Variants in ZNF236 observed in about 807,000 individuals in gnomAD.
ZNF236 encodes the protein regulated by glucose.
A neutral mutation model predicts 191.2 loss-of-function variants in ZNF236; 50 were observed. The observed-to-expected ratio is 0.26, with a 90% CI of 0.21 to 0.33. The LOEUF (loss-of-function observed/expected upper bound fraction) is 0.33, where lower values mean the gene tolerates loss of function less well. ZNF236 is among the 10% of genes least tolerant of loss of function. The pLI is 1.00. For synonymous variants in ZNF236, 907 were observed against 928.8 expected, an observed-to-expected ratio of 0.98 and a Z score of 0.43; for missense variants, 1,754 against 2,374.5, an observed-to-expected ratio of 0.74 and a Z score of 5.43.
intron 1 of ZNF236, among the ~76,000 whole-genome samples, chr18:76,834,077 T>C (rs1975247876): frequency 6.6e-6 from 1 of 152,142 alleles, no homozygotes; most frequent in Non-Finnish European, 1.5e-5. Context: ...TGTGTCAGTT[T>C]TGGTAAGTTT....
chr18:76,920,547 G>A (rs989114726), intron 20 of ZNF236, among the ~76,000 whole-genome samples: 4 of 25,990 alleles, frequency 1.5e-4, no homozygotes, highest in Admixed American at 1.2e-3. Flanking sequence ...ATGAAACTCC[G>A]TCTCAAAAAA....
chr18:76,851,979 G>C, intron 3 of ZNF236, 40 bp downstream of exon 3: 1 of 1,547,750 alleles, frequency 6.5e-7, no homozygotes, highest in East Asian at 2.3e-5. Flanking sequence ...TTAACTGATT[G>C]TTAAAATACA....
chr18:76,843,328 G>C (rs1271039883), intron 1 of ZNF236, among the ~76,000 whole-genome samples: 1 of 152,006 alleles, frequency 6.6e-6, no homozygotes, highest in Non-Finnish European at 1.5e-5. Flanking sequence ...TATTTGTTAG[G>C]TACACATTAC....
chr18:76,912,017 A>AT (rs1344883852), intron 16 of ZNF236, among the ~76,000 whole-genome samples: 8 of 152,218 alleles, frequency 5.3e-5, no homozygotes, highest in Non-Finnish European at 7.3e-5. Context: ...TAAGCTTTGT[A>AT]TTAAGGTAGG....
intron 25 of ZNF236, chr18:76,936,328 A>C (rs1967997530): frequency 4.4e-6 from 2 of 456,522 alleles, no homozygotes; most frequent in Admixed American, 2.3e-5. Context: ...GTGTGTGCCC[A>C]TGTGTTTATA....
chr18:76,849,258 G>A (rs747851329), intron 1 of ZNF236: 18 of 338,068 alleles, frequency 5.3e-5, no homozygotes, highest in Non-Finnish European at 8.0e-5. Flanking sequence ...TGGCTGTGAA[G>A]CCTCAGGAAT....
At chr18:76,897,893 T>G (rs901055374) in intron 10 of ZNF236, among the ~76,000 whole-genome samples, 42 of 152,218 alleles carry the variant, frequency 2.8e-4, no homozygotes, top group Non-Finnish European at 5.6e-4. Flanking sequence ...GTTGAGTCTC[T>G]TCTATAGGCT....
intron 3 of ZNF236, among the ~76,000 whole-genome samples, chr18:76,852,213 G>A (rs1287688883): frequency 3.3e-5 from 5 of 152,178 alleles, no homozygotes; most frequent in African/African-American, 7.2e-5. Context: ...TCCTCCTGGC[G>A]CCTCACCCTC....
intron 9 of ZNF236, among the ~76,000 whole-genome samples, chr18:76,894,490 GTAA>G (rs1240238876): frequency 1.3e-5 from 2 of 152,138 alleles, no homozygotes; most frequent in African/African-American, 4.8e-5. Flanking sequence ...TCAAAATTGA[GTAA>G]TAATATGAGA....
rs947656506 is a variant in ZNF236 at position 76,915,880 on chromosome 18, C to A, written c.3274+21C>A. ...AGGAGGTATTTTCCATTTGTTGATT[C>A]AAGGTGTATTAACCCGATGCTAATT... is the stretch of plus-strand genomic sequence containing the variant. On this transcript the variant is annotated intron_variant, in intron 19 of 30. Coordinates refer to ENST00000320610, the MANE Select transcript of ZNF236 (RefSeq NM_001306089.2). The A allele has an allele frequency of 5.0e-6, 8 of 1,606,038 alleles. No individual in the cohort carries two copies. In the Admixed American group the frequency reaches 1.3e-4, roughly 27 times the overall value.
intron 25 of ZNF236, among the ~76,000 whole-genome samples, chr18:76,932,886 C>A (rs1428736797): frequency 6.6e-6 from 1 of 152,222 alleles, no homozygotes; most frequent in East Asian, 1.9e-4. Flanking sequence ...AGGGCGCACG[C>A]ACTCCAGGGC....
chr18:76,919,147 G>A lies in ZNF236; in HGVS notation c.3275-629G>A, dbSNP rs562792941. 1.8e-4 allele frequency among the ~76,000 whole-genome samples: 28 copies of A among 152,076 alleles called. No homozygotes were observed. In the East Asian group the frequency reaches 3.5e-3, roughly 19 times the overall value. ...ATGAATATCTATATTTATGAATACC[G>A]GTAGCTTGTGTGGACACTGTCAGCC... On this transcript the variant is annotated intron_variant, in intron 19 of 30. Transcript: ENST00000320610. This position sits in a 1 kb window ranked among gnomAD's most constrained non-coding sequence, Gnocchi z 5.3.
At chr18:76,931,663 A>G (rs1398166181) in intron 25 of ZNF236, among the ~76,000 whole-genome samples, 1 of 152,192 alleles carries the variant, frequency 6.6e-6, no homozygotes, top group Non-Finnish European at 1.5e-5. Flanking sequence ...GCTTTCTAAG[A>G]TTTTAAAGCA....
intron 19 of ZNF236, 44 bp downstream of exon 19, chr18:76,915,903 A>C (rs1599390700): frequency 6.4e-7 from 1 of 1,567,102 alleles, no homozygotes; most frequent in East Asian, 2.3e-5. Flanking sequence ...CCCGATGCTA[A>C]TTTAGGAATA....
At chr18:76,896,114 A>G (rs2122708766) in intron 10 of ZNF236, among the ~76,000 whole-genome samples, 1 of 148,554 alleles carries the variant, frequency 6.7e-6, no homozygotes. Context: ...ACCAAACACT[A>G]TACCACACGC....
chr18:76,897,283 C>T (rs1977454711), intron 10 of ZNF236, among the ~76,000 whole-genome samples: 1 of 152,040 alleles, frequency 6.6e-6, no homozygotes. Context: ...CAGTACTGCA[C>T]ACAGGTACCA....
chr18:76,843,635 G>T (rs1975580228), intron 1 of ZNF236, among the ~76,000 whole-genome samples: 1 of 151,502 alleles, frequency 6.6e-6, no homozygotes, highest in Non-Finnish European at 1.5e-5. Context: ...AATTAGCCCG[G>T]CATGGTGGCG....
chr18:76,914,470 C>T (rs1401403126), intron 18 of ZNF236, among the ~76,000 whole-genome samples: 2 of 152,166 alleles, frequency 1.3e-5, no homozygotes, highest in African/African-American at 2.4e-5. Flanking sequence ...TCTGTTAAAA[C>T]ATTTGTTTTC....
Position 76,927,896 on chromosome 18 carries a change from C to A in ZNF236, c.4415-31C>A. On this transcript the variant is annotated intron_variant, in intron 24 of 30. Transcript: ENST00000320610. The surrounding 1 kb of genome is among the most constrained non-coding windows in gnomAD (Gnocchi z 5.4). The stretch of plus-strand genomic sequence containing the variant: ...AGGGGAAATTGGTTATTTTGAATCT[C>A]AACTTTGTTTTGCTTTGTAATGACA... The A allele has an allele frequency of 2.7e-6, 4 of 1,499,444 alleles. No homozygotes were observed. Among genetic ancestry groups the A allele is most frequent in the South Asian group, 2.7e-5 (2 of 73,170 alleles). 92.9% of individuals were successfully genotyped at this position (1,499,444 alleles called of 1,614,324 possible). A position where few individuals can be genotyped will look rare whatever the true frequency, so the allele number is the denominator to read the frequency against.
Sources: gnomAD v4.1 joint callset for allele counts (sites outside exome capture counted in the v4.1 genomes callset) on GRCh38, gnomAD v4.1.1 for gene constraint, Gnocchi (gnomAD v3.1) non-coding constraint, MANE v1.5 for transcripts, NCBI Gene and HGNC (gene_info 2026-07-23, HGNC 2026-07-21) for gene names.